Variants in APOBR observed in about 807,000 individuals in gnomAD.
APOBR encodes apolipoprotein B receptor, also known as apoB-48R.
APOBR carries 57 observed loss-of-function variants against 88.5 expected under a neutral mutation model. The observed-to-expected ratio is 0.64, with a 90% CI of 0.52 to 0.80. The LOEUF (loss-of-function observed/expected upper bound fraction) is 0.80, where lower values mean the gene tolerates loss of function less well. Ranked by LOEUF, APOBR falls within the 30% of genes least tolerant of loss-of-function variation. The pLI, the probability that APOBR is intolerant of heterozygous loss-of-function variation, is 0.00. For missense variants in APOBR, 1,443 were observed against 1,401.6 expected, an observed-to-expected ratio of 1.03 and a Z score of -0.47; for synonymous variants, 588 against 572.7, an observed-to-expected ratio of 1.03 and a Z score of -0.38.
At position 28,497,514 on chromosome 16, in the gene APOBR, C is replaced by A. The variant is rs764101546; in HGVS notation, c.2473C>A (p.Gln825Lys). Residue 825 changes from glutamine (Q) to lysine (K), a missense_variant, in exon 2 of 4, where the codon CAA becomes AAA. Coordinates refer to ENST00000564831, the MANE Select transcript of APOBR (RefSeq NM_018690.4). ...GGAAGAGGTGACTGGCAGAGGCAGCCAAGTAGAGGCTTTTGAGTCCAGGGA... is the reference window on the plus strand; with the variant it reads ...GGAAGAGGTGACTGGCAGAGGCAGCAAAGTAGAGGCTTTTGAGTCCAGGGA... ...AEEEVTGRGSQVEAFESREGG... is the reference protein window; with the variant it reads ...AEEEVTGRGSKVEAFESREGG... 2.5e-6 allele frequency: 4 copies of A among 1,612,018 alleles called. No individual in the cohort carries two copies. The Admixed American group carries it at 6.7e-5, about 27-fold the overall frequency.
chr16:28,498,339 C>G lies in APOBR; in HGVS notation c.3214C>G (p.Leu1072Val), dbSNP rs748001598. The G allele has an allele frequency of 6.3e-7, 1 of 1,597,378 alleles. No individual in the cohort carries two copies. Among genetic ancestry groups the G allele is most frequent in the Non-Finnish European group, 8.5e-7 (1 of 1,170,254 alleles). ...CCCGGTGCCAGCCAGGAGAAGGCCC[C>G]TGGGACACGGGTAGGCACAGGGCAA... ...GTPVPARRRP[L>V]GHGFGLAHPG... Residue 1072 changes from leucine to valine, a missense_variant, in exon 3 of 4, where the codon CTG becomes GTG. Leu to Val is a conservative substitution (Grantham distance 32). Transcript: ENST00000564831.
rs1567267873 is a variant in APOBR, at chr16:28,495,959, C to T, written c.918C>T (p.Gly306=). 2.8e-5 allele frequency: 44 copies of T among 1,594,470 alleles called. 1 individual carries two copies. The South Asian group carries it at 4.4e-4, about 16-fold the overall frequency. ...GGGAGGAAGCCAGGACAATCTCAGG[C>T]GGGGAGGAGGCTGAGACAGCCTCAG... ...LDGEEARTIS[G]GEEAETASGG... Residue 306 remains glycine, a synonymous_variant, in exon 2 of 4, where the codon GGC becomes GGT. Coordinates refer to ENST00000564831, the MANE Select transcript of APOBR (RefSeq NM_018690.4).
rs746690852 is a variant in APOBR, at chr16:28,496,407, G to C, written c.1366G>C (p.Gly456Arg). Residue 456 changes from glycine (G) to arginine (R), a missense_variant, in exon 2 of 4, where the codon GGG becomes CGG. Physicochemically the swap from Gly to Arg is moderately radical, Grantham distance 125. Transcript: ENST00000564831. The part of the protein sequence containing the change: ...GREAVGGQEA[G>R]ESFEGQVDLR... ...GGAAGCTGTGGGAGGCCAGGAGGCA[G>C]GGGAGAGCTTTGAGGGCCAGGTAGA... 1 of 1,612,004 alleles carries C rather than the reference G, an allele frequency of 6.2e-7. No homozygotes were observed. Among genetic ancestry groups the C allele is most frequent in the Non-Finnish European group, 8.5e-7 (1 of 1,178,908 alleles).
rs1193081979 is a variant in APOBR, at chr16:28,497,533, C to T, written c.2492C>T (p.Ser831Phe). ...GRGSQVEAFESREGGPWGGRV... is the reference protein window; with the variant it reads ...GRGSQVEAFEFREGGPWGGRV... ...GGCAGCCAAGTAGAGGCTTTTGAGT[C>T]CAGGGAGGGAGGACCTTGGGGAGGG... Residue 831 changes from serine (S) to phenylalanine (F), a missense_variant, in exon 2 of 4, where the codon TCC (serine) becomes TTC (phenylalanine). Coordinates refer to ENST00000564831, the MANE Select transcript of APOBR (RefSeq NM_018690.4). 3.7e-6 allele frequency: 6 copies of T among 1,610,168 alleles called. No homozygotes were observed. The highest frequency in any genetic ancestry group is 4.2e-6 in the Non-Finnish European group (5 of 1,178,116).
At position 28,497,861 on chromosome 16, in the gene APOBR, G is replaced by A; in HGVS notation, c.2820G>A (p.Leu940=). ...CCAAGGAGACTGAGCCAGAAAGCCT[G>A]GAACATGTCAGGGGCCAGGAGGAGC... ...AEAKETEPES[L]EHVRGQEEQP... The change falls in exon 2 of 4, where the codon CTG becomes CTA. Residue 940 remains leucine (L), a synonymous_variant. Transcript: ENST00000564831. 6.2e-7 allele frequency: 1 copy of A among 1,612,066 alleles called. No individual in the cohort carries two copies. Among genetic ancestry groups the A allele is most frequent in the Non-Finnish European group, 8.5e-7 (1 of 1,179,122 alleles).
chr16:28,495,028 A>G, intron 1 of APOBR, 71 bp from the exon 2 acceptor site: 1 of 1,386,504 alleles, frequency 7.2e-7, no homozygotes, highest in South Asian at 1.6e-5. Context: ...GGGCTCCTCC[A>G]GCCAGGGCCC....
chr16:28,495,992 G>A lies in APOBR; in HGVS notation c.951G>A (p.Glu317=). ...GEEAETASGG[E]EAETASGGEE... ...AGGCTGAGACAGCCTCAGGCGGGGA[G>A]GAGGCTGAAACAGCCTCAGGCGGGG... is the stretch of plus-strand genomic sequence containing the variant. The change falls in exon 2 of 4, where the codon GAG becomes GAA. Residue 317 remains glutamate (E), a synonymous_variant. Coordinates refer to ENST00000564831, the MANE Select transcript of APOBR (RefSeq NM_018690.4). 4 of 1,605,408 alleles carry A rather than the reference G, an allele frequency of 2.5e-6. No individual in the cohort carries two copies. The highest frequency in any genetic ancestry group is 3.4e-6 in the Non-Finnish European group (4 of 1,178,316).
Position 28,497,596 on chromosome 16 carries a change from G to C in APOBR, c.2555G>C (p.Ser852Thr). Residue 852 changes from serine to threonine, a missense_variant, in exon 2 of 4, where the codon AGC becomes ACC. Coordinates refer to ENST00000564831, the MANE Select transcript of APOBR (RefSeq NM_018690.4). ...GAGGAATCTGCAGGCGCAGAGGACAGCTGTGGGCTGGATCCCGCGGGCTCC... is the reference window on the plus strand; with the variant it reads ...GAGGAATCTGCAGGCGCAGAGGACACCTGTGGGCTGGATCCCGCGGGCTCC... ...EAEESAGAED[S>T]CGLDPAGSQT... 1 of 1,606,910 alleles carries C rather than the reference G, an allele frequency of 6.2e-7. No homozygotes were observed. Among genetic ancestry groups the C allele is most frequent in the Non-Finnish European group, 8.5e-7 (1 of 1,176,670 alleles).
chr16:28,495,307 G>T lies in APOBR; in HGVS notation c.266G>T (p.Arg89Ile). The change falls in exon 2 of 4, where the codon AGA becomes ATA. Residue 89 changes from arginine (R) to isoleucine (I), a missense_variant. Coordinates refer to ENST00000564831, the MANE Select transcript of APOBR (RefSeq NM_018690.4). ...GRLRGPGDDR[R>I]HEVGSSAVEQ... ...CTGAGAGGGCCTGGAGATGACAGAA[G>T]ACATGAAGTGGGGAGCTCAGCTGTA... 6.5e-7 allele frequency: 1 copy of T among 1,541,002 alleles called. No individual in the cohort carries two copies. The highest frequency in any genetic ancestry group is 8.7e-7 in the Non-Finnish European group (1 of 1,144,020).
chr16:28,495,825 G>T lies in APOBR; in HGVS notation c.784G>T (p.Ala262Ser), dbSNP rs944904119. The T allele has an allele frequency of 3.7e-6, 6 of 1,606,466 alleles. No individual in the cohort carries two copies. The African/African-American group carries it at 8.0e-5, about 21-fold the overall frequency. ...VVEKACESTR[A>S]WGTWGPGAEP... ...GGAGAAGGCCTGTGAAAGCACTAGG[G>T]CATGGGGGACGTGGGGCCCAGGGGC... The change falls in exon 2 of 4, where the codon GCA (alanine) becomes TCA (serine). Residue 262 changes from alanine (A) to serine (S), a missense_variant. Physicochemically the swap from Ala to Ser is moderately conservative, Grantham distance 99. Transcript: ENST00000564831.
rs1345014744 is a variant in APOBR, at chr16:28,495,946, G to A, written c.905G>A (p.Arg302Lys). The A allele has an allele frequency of 6.2e-7, 1 of 1,607,646 alleles. No individual in the cohort carries two copies. The highest frequency in any genetic ancestry group is 1.7e-5 in the Admixed American group (1 of 59,634). ...ARAILDGEEARTISGGEEAET... is the reference protein window; with the variant it reads ...ARAILDGEEAKTISGGEEAET... ...GCAATTTTAGATGGGGAGGAAGCCA[G>A]GACAATCTCAGGCGGGGAGGAGGCT... Residue 302 changes from arginine to lysine, a missense_variant, in exon 2 of 4, where the codon AGG becomes AAG. Arg to Lys is a conservative substitution (Grantham distance 26). Coordinates refer to ENST00000564831, the MANE Select transcript of APOBR (RefSeq NM_018690.4).
In APOBR at chr16:28,495,199, G is replaced by A; in HGVS notation, c.158G>A (p.Gly53Glu). ...AAEELGVVAV[G>E]KTGKIVEEEA... is the part of the protein sequence containing the mutation. ...GAGGAACTGGGGGTGGTGGCGGTGG[G>A]AAAGACAGGGAAGATTGTAGAGGAG... The change falls in exon 2 of 4, where the codon GGA becomes GAA. Residue 53 changes from glycine (G) to glutamate (E), a missense_variant. Coordinates refer to ENST00000564831, the MANE Select transcript of APOBR (RefSeq NM_018690.4). 1 of 1,564,058 alleles carries A rather than the reference G, an allele frequency of 6.4e-7. No homozygotes were observed. The highest frequency in any genetic ancestry group is 8.6e-7 in the Non-Finnish European group (1 of 1,157,590).
At position 28,494,657 on chromosome 16, in the gene APOBR, G is replaced by A; in HGVS notation, c.-25G>A. The A allele has an allele frequency of 6.2e-7, 1 of 1,605,146 alleles. No homozygotes were observed. Among genetic ancestry groups the A allele is most frequent in the Non-Finnish European group, 8.5e-7 (1 of 1,174,832 alleles). ...TGGGGACGGTCATTATCAGCTTTCT[G>A]GACACACAGACAGAGACAGACAGGA... On this transcript the variant is annotated 5_prime_UTR_variant, in exon 1 of 4. Coordinates refer to ENST00000564831, the MANE Select transcript of APOBR (RefSeq NM_018690.4).
Position 28,497,623 on chromosome 16 carries a change from A to C in APOBR, c.2582A>C (p.Gln861Pro). The change falls in exon 2 of 4, where the codon CAG becomes CCG. Residue 861 changes from glutamine to proline, a missense_variant. Physicochemically the swap from Gln to Pro is moderately conservative, Grantham distance 76 (BLOSUM62 -1). Transcript: ENST00000564831. Reference protein sequence around the residue: ...DSCGLDPAGSQTARAEGMGAM... With the variant: ...DSCGLDPAGSPTARAEGMGAM... ...TGTGGGCTGGATCCCGCGGGCTCCC[A>C]GACAGCGAGGGCAGAGGGGATGGGA... The C allele has an allele frequency of 6.2e-7, 1 of 1,606,094 alleles. No homozygotes were observed. The highest frequency in any genetic ancestry group is 8.5e-7 in the Non-Finnish European group (1 of 1,176,446).
Position 28,497,786 on chromosome 16 carries a change from GC to G in APOBR, c.2746del (p.Leu916SerfsTer9). 1 of 1,604,376 alleles carries G rather than the reference GC, an allele frequency of 6.2e-7. No individual in the cohort carries two copies. Among genetic ancestry groups the G allele is most frequent in the Non-Finnish European group, 8.5e-7 (1 of 1,175,700 alleles). On this transcript the variant is annotated frameshift_variant, in exon 2 of 4. Coordinates refer to ENST00000564831, the MANE Select transcript of APOBR (RefSeq NM_018690.4). LOFTEE classifies it high-confidence loss of function. ...DYHPEGEAPR[L>X]LDAEGLMVTG... Reference sequence around the variant, plus strand: ...ACCACCCTGAGGGAGAGGCACCAAGGCTCCTTGATGCAGAGGGTCTCATGGT... The same window carrying G: ...ACCACCCTGAGGGAGAGGCACCAAGGTCCTTGATGCAGAGGGTCTCATGGT...
chr16:28,496,747 G>C lies in APOBR; in HGVS notation c.1706G>C (p.Gly569Ala), dbSNP rs1483499410. The C allele has an allele frequency of 1.3e-6, 2 of 1,589,836 alleles. No homozygotes were observed. The highest frequency in any genetic ancestry group is 1.8e-5 in the Admixed American group (1 of 55,280). ...GGCCAAGGACCTGAGCTGATGGGGGGCGCCCAGACCCCAACTAAGCAACCC... is the reference window on the plus strand; with the variant it reads ...GGCCAAGGACCTGAGCTGATGGGGGCCGCCCAGACCCCAACTAAGCAACCC... The part of the protein sequence containing the change: ...TKGQGPELMG[G>A]AQTPTKQPEE... Residue 569 changes from glycine (G) to alanine (A), a missense_variant, in exon 2 of 4, where the codon GGC (glycine) becomes GCC (alanine). Physicochemically the swap from Gly to Ala is moderately conservative, Grantham distance 60. Transcript: ENST00000564831.
At position 28,498,081 on chromosome 16, in the gene APOBR, G is replaced by A; in HGVS notation, c.2956G>A (p.Ala986Thr). The change falls in exon 3 of 4, where the codon GCC becomes ACC. Residue 986 changes from alanine (A) to threonine (T), a missense_variant and splice_region_variant. Transcript: ENST00000564831. ...GTCCTCTGTGCCCCCTTTCCTGCAG[G>A]CCCCGCTCCCCGGGTCCCTCCTAGA... ...RGGAANSWSE[A>T]PLPGSLLDVS... The A allele has an allele frequency of 2.6e-6, 4 of 1,544,976 alleles. No individual in the cohort carries two copies. The highest frequency in any genetic ancestry group is 3.5e-6 in the Non-Finnish European group (4 of 1,151,784).
In APOBR at chr16:28,495,336, C is replaced by A. The variant is rs2046380609; in HGVS notation, c.295C>A (p.Gln99Lys). Residue 99 changes from glutamine (Q) to lysine (K), a missense_variant, in exon 2 of 4, where the codon CAG becomes AAG. Physicochemically the swap from Gln to Lys is moderately conservative, Grantham distance 53. Transcript: ENST00000564831. ...RHEVGSSAVE[Q>K]TWGWGDGSSH... is the part of the protein sequence containing the mutation. ...TGAAGTGGGGAGCTCAGCTGTAGAA[C>A]AGACCTGGGGCTGGGGAGATGGCAG... The A allele has an allele frequency of 1.9e-6, 3 of 1,555,552 alleles. No homozygotes were observed. Among genetic ancestry groups the A allele is most frequent in the Non-Finnish European group, 2.6e-6 (3 of 1,150,670 alleles).
rs2046393382 is a variant in APOBR, at chr16:28,496,405, C to A, written c.1364C>A (p.Ala455Glu). The change falls in exon 2 of 4, where the codon GCA (alanine) becomes GAA (glutamate). Residue 455 changes from alanine to glutamate, a missense_variant. Physicochemically the swap from Ala to Glu is moderately radical, Grantham distance 107. Transcript: ENST00000564831. The part of the protein sequence containing the change: ...AGREAVGGQE[A>E]GESFEGQVDL... Reference sequence around the variant, plus strand: ...AGGGAAGCTGTGGGAGGCCAGGAGGCAGGGGAGAGCTTTGAGGGCCAGGTA... The same window carrying A: ...AGGGAAGCTGTGGGAGGCCAGGAGGAAGGGGAGAGCTTTGAGGGCCAGGTA... The A allele has an allele frequency of 1.2e-6, 2 of 1,611,252 alleles. No homozygotes were observed.
Sources: allele counts gnomAD v4.1 joint callset, GRCh38; gene constraint gnomAD v4.1.1; transcripts MANE v1.5; gene names NCBI Gene and HGNC (gene_info 2026-07-23, HGNC 2026-07-21).